Variants in TLN2 observed in about 807,000 individuals in gnomAD.
TLN2 encodes the protein talin 2.
In TLN2, 118 loss-of-function variants were observed where a neutral mutation model predicts 294.7. That is an observed-to-expected ratio of 0.40 (90% confidence interval 0.34 to 0.47). The LOEUF (loss-of-function observed/expected upper bound fraction) is 0.47. TLN2 is among the 20% of genes least tolerant of loss of function. The probability of loss-of-function intolerance (pLI) is 0.84; values close to 1 mark genes in which losing one functional copy is unlikely to be tolerated. For missense variants in TLN2, 3,083 were observed against 3,282.2 expected, an observed-to-expected ratio of 0.94 and a Z score of 1.48; for synonymous variants, 1,431 against 1,304.5, an observed-to-expected ratio of 1.10 and a Z score of -2.09.
rs1395195584 is a variant in TLN2, at chr15:62,462,122, C to G, written c.-238+71437C>G. On this transcript the variant is annotated intron_variant, in intron 1 of 58. Transcript: ENST00000636159. ...TGGTGGCGGGTGCCTGTAGTCCCAG[C>G]TACTTGGGGGCTGAGGCAGGAGAAT... is the stretch of plus-strand genomic sequence containing the variant. Among the ~76,000 whole-genome samples the G allele has an allele frequency of 3.3e-5, 5 of 152,288 alleles. No homozygotes were observed. The South Asian group carries it at 8.3e-4, about 25-fold the overall frequency.
intron 3 of TLN2, among the ~76,000 whole-genome samples, chr15:62,624,980 C>CT (rs543610073): frequency 2.0e-4 from 30 of 152,280 alleles, no homozygotes; most frequent in African/African-American, 6.7e-4. Flanking sequence ...ATTGCTTTCA[C>CT]TTTCTCTTTT....
intron 22 of TLN2, among the ~76,000 whole-genome samples, 191 bp from the exon 23 acceptor site, chr15:62,716,140 G>A (rs2059757036): frequency 6.6e-6 from 1 of 152,220 alleles, no homozygotes; most frequent in Admixed American, 6.5e-5. Context: ...GCTTAGCTAT[G>A]CAATTTTGAA....
At chr15:62,762,488 C>T (rs368545474) in intron 39 of TLN2, 35 bp downstream of exon 39, 103 of 1,606,864 alleles carry the variant, frequency 6.4e-5, no homozygotes, top group Non-Finnish European at 8.6e-5. Flanking sequence ...TGCCAGCCTG[C>T]ATCTCAGCGG....
chr15:62,547,552 T>C (rs1287863719), intron 1 of TLN2, among the ~76,000 whole-genome samples: 1 of 152,248 alleles, frequency 6.6e-6, no homozygotes, highest in Non-Finnish European at 1.5e-5. Context: ...CGAAGGTATC[T>C]GGAGCTACAG....
intron 1 of TLN2, among the ~76,000 whole-genome samples, chr15:62,572,510 T>A (rs1256163330): frequency 3.3e-5 from 5 of 152,210 alleles, no homozygotes; most frequent in Non-Finnish European, 5.9e-5. Flanking sequence ...CCTCCCAAAG[T>A]GCTGGGATTA....
At chr15:62,733,749 C>T (rs1236885159) in intron 28 of TLN2, among the ~76,000 whole-genome samples, 2 of 152,180 alleles carry the variant, frequency 1.3e-5, no homozygotes, top group South Asian at 2.1e-4. Context: ...ATTTAAGATC[C>T]AGATGGCAAG....
intron 2 of TLN2, among the ~76,000 whole-genome samples, chr15:62,615,405 C>T (rs966026240): frequency 6.6e-6 from 1 of 152,216 alleles, no homozygotes; most frequent in Admixed American, 6.5e-5. Flanking sequence ...ACTACTCTAG[C>T]AGGCCTACCA....
At chr15:62,788,912 G>A (rs1174367645) in intron 45 of TLN2, among the ~76,000 whole-genome samples, 1 of 152,140 alleles carries the variant, frequency 6.6e-6, no homozygotes, top group African/African-American at 2.4e-5. Context: ...GTGTCACAGG[G>A]GAAGGAACAA....
intron 1 of TLN2, among the ~76,000 whole-genome samples, chr15:62,463,955 G>A (rs991249578): frequency 6.6e-6 from 1 of 152,174 alleles, no homozygotes; most frequent in Non-Finnish European, 1.5e-5. Context: ...TGAAGAAATA[G>A]GAATGTTTTT....
chr15:62,532,643 C>T (rs893598240), intron 1 of TLN2, among the ~76,000 whole-genome samples: 7 of 152,152 alleles, frequency 4.6e-5, no homozygotes, highest in East Asian at 3.9e-4. Context: ...TCTTGCTTCA[C>T]GTGACAAATG....
chr15:62,521,968 A>G (rs116508344), intron 1 of TLN2, among the ~76,000 whole-genome samples: 1 of 152,102 alleles, frequency 6.6e-6, no homozygotes, highest in Admixed American at 6.5e-5. Context: ...TTTGATCTCT[A>G]TTTTAGTGTT....
chr15:62,804,611 G>A (rs572026876), intron 50 of TLN2, among the ~76,000 whole-genome samples: 10 of 152,276 alleles, frequency 6.6e-5, no homozygotes, highest in East Asian at 1.9e-4. Context: ...CATGTAGCGC[G>A]TGCCATGAGG....
intron 3 of TLN2, among the ~76,000 whole-genome samples, chr15:62,635,064 G>C (rs1484211441): frequency 6.6e-6 from 1 of 152,110 alleles, no homozygotes; most frequent in Non-Finnish European, 1.5e-5. Flanking sequence ...GGTTCTGTGG[G>C]GTGGATTGAA....
chr15:62,574,000 C>G (rs893400330), intron 1 of TLN2, among the ~76,000 whole-genome samples: 63 of 152,090 alleles, frequency 4.1e-4, no homozygotes, highest in Non-Finnish European at 6.6e-4. Context: ...TGCAGCCCTT[C>G]CTGGGTGTCC....
chr15:62,767,494 A>G (rs2063085646), intron 41 of TLN2, among the ~76,000 whole-genome samples: 1 of 151,956 alleles, frequency 6.6e-6, no homozygotes, highest in Admixed American at 6.6e-5. Context: ...GGCATGCACC[A>G]CCATGCCCGG....
chr15:62,805,135 C>T (rs2066186829), intron 50 of TLN2, among the ~76,000 whole-genome samples: 1 of 152,150 alleles, frequency 6.6e-6, no homozygotes, highest in Non-Finnish European at 1.5e-5. Flanking sequence ...TTCATTTCCC[C>T]CAACCTCACA....
chr15:62,746,201 T>A (rs2061599191), intron 32 of TLN2, among the ~76,000 whole-genome samples: 1 of 152,162 alleles, frequency 6.6e-6, no homozygotes, highest in African/African-American at 2.4e-5. Flanking sequence ...AGAATTAAGC[T>A]AAATAGAAAG....
At chr15:62,694,507 A>G (rs565642819) in intron 14 of TLN2, 115 bp downstream of exon 14, 5 of 802,004 alleles carry the variant, frequency 6.2e-6, no homozygotes, top group Admixed American at 2.3e-5. Flanking sequence ...ATGACAGCAG[A>G]TGATATAGTT....
intron 3 of TLN2, among the ~76,000 whole-genome samples, chr15:62,639,351 C>A (rs536230291): frequency 3.9e-5 from 6 of 152,162 alleles, no homozygotes; most frequent in African/African-American, 1.4e-4. Flanking sequence ...TGCACAGCAG[C>A]CCTGGAAGCC....
Sources: allele counts gnomAD v4.1 joint callset (sites outside exome capture counted in the v4.1 genomes callset), GRCh38; gene constraint gnomAD v4.1.1; transcripts MANE v1.5; gene names NCBI Gene and HGNC (gene_info 2026-07-23, HGNC 2026-07-21).